The following CACNA1E variants were observed in gnomAD, a reference collection of about 807,000 sequenced individuals.
CACNA1E encodes the protein voltage-dependent R-type calcium channel subunit alpha-1E.
CACNA1E carries 40 observed loss-of-function variants against 259.2 expected under a neutral mutation model. That is an observed-to-expected ratio of 0.15 (90% CI 0.12 to 0.20). The LOEUF (loss-of-function observed/expected upper bound fraction) is 0.20. CACNA1E is among the 10% of genes least tolerant of loss of function. The pLI is 1.00. For synonymous variants in CACNA1E, 1,104 were observed against 1,138.5 expected (o/e 0.97, Z 0.61); for missense variants, 1,874 against 3,040.1 (o/e 0.62, Z 9.02).
At chr1:181,370,511 A>G (rs995728696) in intron 1 of CACNA1E, among the ~76,000 whole-genome samples, 1 of 152,180 alleles carries the variant, frequency 6.6e-6, no homozygotes, top group Non-Finnish European at 1.5e-5. Context: ...GCTCCCGCTT[A>G]TAAGTGAGAA....
intron 6 of CACNA1E, among the ~76,000 whole-genome samples, chr1:181,645,453 C>G (rs1658179816): frequency 6.6e-6 from 1 of 152,036 alleles, no homozygotes; most frequent in Non-Finnish European, 1.5e-5. Flanking sequence ...TATAGGTCCC[C>G]CACTTCTTGG....
chr1:181,322,300 TG>T (rs1346546518), intron 1 of CACNA1E, among the ~76,000 whole-genome samples: 4 of 151,414 alleles, frequency 2.6e-5, no homozygotes, highest in Non-Finnish European at 5.9e-5. Flanking sequence ...GGGAAGAGGG[TG>T]GGGGTGAGAG....
chr1:181,728,125 TC>T (rs1655087865), intron 18 of CACNA1E, among the ~76,000 whole-genome samples: 1 of 152,144 alleles, frequency 6.6e-6, no homozygotes, highest in Non-Finnish European at 1.5e-5. Context: ...TACTCCACCT[TC>T]CCTGAACTCA....
At chr1:181,369,302 CT>C (rs1326371445) in intron 1 of CACNA1E, among the ~76,000 whole-genome samples, 6 of 152,218 alleles carry the variant, frequency 3.9e-5, no homozygotes, top group Non-Finnish European at 4.4e-5. Flanking sequence ...GCTACCAAGT[CT>C]TTTTAATGGC....
Position 181,613,853 on chromosome 1 carries a change from GT to G in CACNA1E, c.951+33083del, listed in dbSNP as rs113029696. Among the ~76,000 whole-genome samples, 705 of 152,266 alleles carry G rather than the reference GT, an allele frequency of 4.6e-3. 4 individuals carry two copies. The highest frequency in any genetic ancestry group is 0.016 in the African/African-American group (678 of 41,534). ...GTAGACATCTTTCCTCCTCGATGAT[GT>G]TTTTTCACTGGTGCCTGGGAACTCC... On this transcript the variant is annotated intron_variant, in intron 6 of 47. Transcript: ENST00000367573.
intron 1 of CACNA1E, among the ~76,000 whole-genome samples, chr1:181,394,510 G>A (rs1474411726): frequency 6.6e-6 from 1 of 152,178 alleles, no homozygotes; most frequent in African/African-American, 2.4e-5. Context: ...ATAGATACCG[G>A]CCCTTTTCTA....
rs1446996564 is a variant in CACNA1E at position 181,762,666 on chromosome 1, C to T, written c.4689+9C>T. ...TCCTGACAGACAGCAAGGTGAATGG[C>T]TTATAAGATCCATGTCTGTAAGCTT... On this transcript the variant is annotated intron_variant, in intron 33 of 47. Coordinates refer to ENST00000367573, the MANE Select transcript of CACNA1E (RefSeq NM_001205293.3). The T allele has an allele frequency of 6.6e-7, 1 of 1,522,012 alleles. No individual in the cohort carries two copies. The highest frequency in any genetic ancestry group is 9.1e-7 in the Non-Finnish European group (1 of 1,099,218). 94.3% of individuals were successfully genotyped at this position (1,522,012 alleles called of 1,614,324 possible). A position where few individuals can be genotyped will look rare whatever the true frequency, so the allele number is the denominator to read the frequency against.
At chr1:181,526,544 G>A (rs1442330497) in intron 3 of CACNA1E, among the ~76,000 whole-genome samples, 6 of 152,012 alleles carry the variant, frequency 3.9e-5, no homozygotes, top group South Asian at 2.1e-4. Flanking sequence ...CTGGAAAAAT[G>A]GCTTCTATTG....
chr1:181,351,412 C>T (rs1653038163), intron 1 of CACNA1E, among the ~76,000 whole-genome samples: 1 of 152,182 alleles, frequency 6.6e-6, no homozygotes, highest in South Asian at 2.1e-4. Flanking sequence ...CATAAGTTCC[C>T]CAGAGTGGCA....
chr1:181,464,416 A>G (rs563634539), intron 2 of CACNA1E, among the ~76,000 whole-genome samples: 2 of 152,034 alleles, frequency 1.3e-5, no homozygotes, highest in South Asian at 4.1e-4. Flanking sequence ...AGAGAGTTGA[A>G]AATTTTTCTT....
chr1:181,348,683 T>A (rs1652804223), intron 1 of CACNA1E, among the ~76,000 whole-genome samples: 1 of 152,220 alleles, frequency 6.6e-6, no homozygotes, highest in Non-Finnish European at 1.5e-5. Context: ...CCAAGCCAGA[T>A]GTCCAGGAAA....
chr1:181,771,216 C>A, intron 35 of CACNA1E, 77 bp from the exon 36 acceptor site: 4 of 794,770 alleles, frequency 5.0e-6, no homozygotes, highest in Non-Finnish European at 4.2e-6. Flanking sequence ...ATGCAAGTGG[C>A]TTTGCCAACC....
intron 3 of CACNA1E, among the ~76,000 whole-genome samples, chr1:181,572,309 T>C (rs376445817): frequency 1.2e-4 from 18 of 152,358 alleles, no homozygotes; most frequent in Middle Eastern, 3.4e-3. Context: ...TCTGTTCTGC[T>C]GTGCCACTGT....
intron 1 of CACNA1E, among the ~76,000 whole-genome samples, chr1:181,398,463 A>G (rs1023538818): frequency 7.9e-5 from 12 of 152,196 alleles, no homozygotes; most frequent in African/African-American, 2.7e-4. Flanking sequence ...TTATCTCCAT[A>G]TTACAGATGA....
intron 37 of CACNA1E, 74 bp downstream of exon 37, chr1:181,772,305 G>T: frequency 6.9e-7 from 1 of 1,451,392 alleles, no homozygotes; most frequent in Non-Finnish European, 9.5e-7. Context: ...TACATAGACC[G>T]GAGATGTTTG....
At chr1:181,362,721 A>G (rs1421065321) in intron 1 of CACNA1E, among the ~76,000 whole-genome samples, 2 of 152,246 alleles carry the variant, frequency 1.3e-5, no homozygotes, top group Non-Finnish European at 2.9e-5. Flanking sequence ...GTCAGTAGGA[A>G]TTAGAGTGAA....
intron 6 of CACNA1E, among the ~76,000 whole-genome samples, chr1:181,645,892 G>A (rs79287733): frequency 1.4e-3 from 216 of 152,352 alleles, no homozygotes; most frequent in African/African-American, 5.0e-3. Context: ...AGTCCCTCGG[G>A]GTGGGACAGG....
chr1:181,612,471 G>T (rs1028293472), intron 6 of CACNA1E, among the ~76,000 whole-genome samples: 2 of 152,164 alleles, frequency 1.3e-5, no homozygotes, highest in African/African-American at 4.8e-5. Flanking sequence ...ACAATCAACT[G>T]TCAGGGCTGA....
At chr1:181,678,368 C>T (rs780647387) in intron 7 of CACNA1E, among the ~76,000 whole-genome samples, 2 of 152,116 alleles carry the variant, frequency 1.3e-5, no homozygotes, top group Non-Finnish European at 2.9e-5. Context: ...AAATCAGAAA[C>T]AAAGTCACCA....
Sources: gnomAD v4.1 joint callset for allele counts (sites outside exome capture counted in the v4.1 genomes callset) on GRCh38, gnomAD v4.1.1 for gene constraint, MANE v1.5 for transcripts, NCBI Gene and HGNC (gene_info 2026-07-23, HGNC 2026-07-21) for gene names.